Variants in GLP2R observed in about 807,000 individuals in gnomAD.
GLP2R encodes the protein glucagon-like peptide 2 receptor.
GLP2R carries 59 observed loss-of-function variants against 68.2 expected under a neutral mutation model. The ratio of observed to expected loss-of-function variants is 0.87; its 90% CI spans 0.70 to 1.07. The LOEUF is 1.07. Among genes scored for constraint, GLP2R ranks in the 50% least tolerant of loss-of-function variants. The pLI is 0.00. For missense variants in GLP2R, 548 were observed against 677.4 expected (o/e 0.81, Z 2.12); for synonymous variants, 270 against 265.4 (o/e 1.02, Z -0.17).
chr17:9,828,014 A>C (rs190072727), intron 1 of GLP2R, among the ~76,000 whole-genome samples: 179 of 151,008 alleles, frequency 1.2e-3, no homozygotes, highest in African/African-American at 4.3e-3. Flanking sequence ...TTCCATGGGC[A>C]GGGTGAGTCC....
chr17:9,887,071 C>T (rs2067249664), intron 11 of GLP2R, among the ~76,000 whole-genome samples: 1 of 152,150 alleles, frequency 6.6e-6, no homozygotes. Flanking sequence ...ACAATGGAAA[C>T]AAGCATTAAC....
Position 9,826,088 on chromosome 17 carries a change from G to C in GLP2R, c.25G>C (p.Gly9Arg). 1 of 1,612,876 alleles carries C rather than the reference G, an allele frequency of 6.2e-7. No individual in the cohort carries two copies. The highest frequency in any genetic ancestry group is 1.3e-5 in the African/African-American group (1 of 75,016). MKLGSSRAGPGRGSAGLLP... is the reference protein window; with the variant it reads MKLGSSRARPGRGSAGLLP... Reference sequence around the variant, plus strand: ...GATGAAGCTGGGATCGAGCAGGGCAGGGCCTGGGAGAGGAAGCGCGGGACT... The same window carrying C: ...GATGAAGCTGGGATCGAGCAGGGCACGGCCTGGGAGAGGAAGCGCGGGACT... Residue 9 changes from glycine to arginine, a missense_variant, in exon 1 of 13, where the codon GGG becomes CGG. By Grantham distance (125) the Gly-to-Arg change is moderately radical (BLOSUM62 -2). Coordinates refer to ENST00000262441, the MANE Select transcript of GLP2R (RefSeq NM_004246.3).
chr17:9,883,493 A>G (rs1010013746), intron 11 of GLP2R, among the ~76,000 whole-genome samples: 1 of 152,250 alleles, frequency 6.6e-6, no homozygotes, highest in Non-Finnish European at 1.5e-5. Flanking sequence ...ATGTTAATCT[A>G]CACATCCAGG....
chr17:9,859,985 T>C lies in GLP2R; in HGVS notation c.809T>C (p.Phe270Ser). 6.2e-7 allele frequency: 1 copy of C among 1,613,234 alleles called. No homozygotes were observed. Among genetic ancestry groups the C allele is most frequent in the Non-Finnish European group, 8.5e-7 (1 of 1,179,902 alleles). Reference protein sequence around the residue: ...CRSVQVLLHYFVGANYLWLLV... With the variant: ...CRSVQVLLHYSVGANYLWLLV... ...TCAGTCCAGGTTCTCTTGCATTACT[T>C]TGTGGGTGCCAATTACTTATGGCTG... Residue 270 changes from phenylalanine (F) to serine (S), a missense_variant, in exon 7 of 13, where the codon TTT becomes TCT. By Grantham distance (155) the Phe-to-Ser change is radical (BLOSUM62 -2). Transcript: ENST00000262441.
intron 12 of GLP2R, among the ~76,000 whole-genome samples, chr17:9,888,797 C>T (rs2067265113): frequency 6.6e-6 from 1 of 152,168 alleles, no homozygotes; most frequent in Non-Finnish European, 1.5e-5. Context: ...CATATTATTG[C>T]ATAGCCCAAC....
intron 1 of GLP2R, among the ~76,000 whole-genome samples, chr17:9,832,220 T>C (rs1725208745): frequency 6.6e-6 from 1 of 151,970 alleles, no homozygotes; most frequent in African/African-American, 2.4e-5. Flanking sequence ...GGAGGATCAT[T>C]TGAGCCCAGG....
At chr17:9,888,463 T>A (rs77902029) in intron 12 of GLP2R, among the ~76,000 whole-genome samples, 31,435 of 152,102 alleles carry the variant, frequency 0.21, 4,271 homozygotes, top group Non-Finnish European at 0.31. Flanking sequence ...TACATTTTTT[T>A]AAAAATTATT....
intron 4 of GLP2R, among the ~76,000 whole-genome samples, chr17:9,853,968 T>C (rs2066913895): frequency 1.3e-5 from 2 of 152,216 alleles, no homozygotes; most frequent in African/African-American, 4.8e-5. Flanking sequence ...ACAAAATTTC[T>C]AGTAAATTAT....
Position 9,826,090 on chromosome 17 carries a change from G to A in GLP2R, c.27G>A (p.Gly9=). MKLGSSRA[G]PGRGSAGLLP... is the part of the protein sequence containing the mutation. ...TGAAGCTGGGATCGAGCAGGGCAGG[G>A]CCTGGGAGAGGAAGCGCGGGACTCC... Residue 9 remains glycine (G), a synonymous_variant, in exon 1 of 13, where the codon GGG becomes GGA. Coordinates refer to ENST00000262441, the MANE Select transcript of GLP2R (RefSeq NM_004246.3). The A allele has an allele frequency of 6.2e-7, 1 of 1,612,934 alleles. No individual in the cohort carries two copies.
intron 3 of GLP2R, among the ~76,000 whole-genome samples, chr17:9,839,032 C>T (rs1441388059): frequency 6.6e-6 from 1 of 152,150 alleles, no homozygotes; most frequent in Non-Finnish European, 1.5e-5. Context: ...GGGCTGATGA[C>T]GAAGGAAGCT....
In GLP2R at chr17:9,833,262, TA is replaced by T. The variant is rs11406813; in HGVS notation, c.190-533del. Among the ~76,000 whole-genome samples, 992 of 140,346 alleles carry T rather than the reference TA, an allele frequency of 7.1e-3. 8 individuals are homozygous for T. Among genetic ancestry groups the T allele is most frequent in the African/African-American group, 0.019 (743 of 38,542 alleles). The allele number at this position is 140,346 out of a possible 152,430, so 92.1% of individuals were successfully genotyped here. On this transcript the variant is annotated intron_variant, in intron 1 of 12. Coordinates refer to ENST00000262441, the MANE Select transcript of GLP2R (RefSeq NM_004246.3). ...CTGGTAACAGATTAAGACTCTGTCT[TA>T]AAAAAAAAAAAGAAAGAAAGAAAGA...
chr17:9,865,187 G>A (rs1429548810), intron 9 of GLP2R, among the ~76,000 whole-genome samples: 1 of 151,950 alleles, frequency 6.6e-6, no homozygotes, highest in Non-Finnish European at 1.5e-5. Context: ...CCTAACTTCT[G>A]TCCTCTTCCT....
rs547784258 is a variant in GLP2R at position 9,841,715 on chromosome 17, G to T, written c.383-780G>T. Among the ~76,000 whole-genome samples, 77 of 152,294 alleles carry T rather than the reference G, an allele frequency of 5.1e-4. No homozygotes were observed. The South Asian group carries it at 6.0e-3, about 12-fold the overall frequency. On this transcript the variant is annotated intron_variant, in intron 3 of 12. Coordinates refer to ENST00000262441, the MANE Select transcript of GLP2R (RefSeq NM_004246.3). ...ACCCTACCTAGCAAAGCTGTCAGGG[G>T]AGTAGGGGGCTATACCCTTTGGTTG...
chr17:9,854,476 G>A lies in GLP2R; in HGVS notation c.505-19G>A, dbSNP rs147814773. 1,634 of 1,491,798 alleles carry A rather than the reference G, an allele frequency of 1.1e-3. 17 individuals are homozygous for A. The African/African-American group carries it at 0.02, about 18-fold the overall frequency. The allele number at this position is 1,491,798 out of a possible 1,614,324, so 92.4% of individuals were successfully genotyped here. On this transcript the variant is annotated intron_variant, in intron 4 of 12. Transcript: ENST00000262441. ...GCCCCATGGCTTAGTGGTCATGTCTGCTCTTCCTCTGTGTTCAGGTGGATC... is the reference window on the plus strand; with the variant it reads ...GCCCCATGGCTTAGTGGTCATGTCTACTCTTCCTCTGTGTTCAGGTGGATC...
intron 1 of GLP2R, among the ~76,000 whole-genome samples, chr17:9,831,784 C>A (rs1388920440): frequency 1.3e-5 from 2 of 152,100 alleles, no homozygotes; most frequent in African/African-American, 4.8e-5. Context: ...TGGATGGTGG[C>A]ACCAGGCCAG....
At chr17:9,865,182 C>T (rs1206189962) in intron 9 of GLP2R, among the ~76,000 whole-genome samples, 3 of 152,052 alleles carry the variant, frequency 2.0e-5, no homozygotes, top group African/African-American at 7.2e-5. Flanking sequence ...GTTCTCCTAA[C>T]TTCTGTCCTC....
chr17:9,849,773 C>T (rs1413077797), intron 4 of GLP2R, among the ~76,000 whole-genome samples: 1 of 151,864 alleles, frequency 6.6e-6, no homozygotes, highest in Non-Finnish European at 1.5e-5. Flanking sequence ...CCACCACGCT[C>T]GGCTAATTTT....
At chr17:9,826,450 A>G (rs1340695253) in intron 1 of GLP2R, among the ~76,000 whole-genome samples, 198 bp downstream of exon 1, 1 of 151,922 alleles carries the variant, frequency 6.6e-6, no homozygotes, top group Non-Finnish European at 1.5e-5. Context: ...TTCTCTATGC[A>G]TTTGTTTTTT....
At chr17:9,871,844 C>A (rs1018477281) in intron 10 of GLP2R, among the ~76,000 whole-genome samples, 2 of 151,464 alleles carry the variant, frequency 1.3e-5, no homozygotes, top group African/African-American at 4.9e-5. Context: ...CCTGCCTCAG[C>A]CTCCTGAGTA....
Sources: gnomAD v4.1 joint callset for allele counts (sites outside exome capture counted in the v4.1 genomes callset) on GRCh38, gnomAD v4.1.1 for gene constraint, MANE v1.5 for transcripts, NCBI Gene and HGNC (gene_info 2026-07-23, HGNC 2026-07-21) for gene names.